Variants in MARCHF10 observed in about 807,000 individuals in gnomAD.
MARCHF10 encodes the protein membrane associated ring-CH-type finger 10.
A neutral mutation model predicts 76.2 loss-of-function variants in MARCHF10; 64 were observed. The ratio of observed to expected loss-of-function variants is 0.84; its 90% CI spans 0.69 to 1.03. MARCHF10 has a LOEUF of 1.03. Among genes scored for constraint, MARCHF10 ranks in the 50% least tolerant of loss-of-function variants. MARCHF10 has a pLI of 0.00. For synonymous variants in MARCHF10, 340 were observed against 357.5 expected (o/e 0.95, Z 0.55); for missense variants, 875 against 958.0 (o/e 0.91, Z 1.14).
intron 2 of MARCHF10, among the ~76,000 whole-genome samples, chr17:62,792,701 C>T (rs1204720358): frequency 1.3e-5 from 2 of 149,096 alleles, no homozygotes; most frequent in African/African-American, 4.9e-5. Context: ...CCATCACCTC[C>T]ATCACTACAA....
Position 62,767,450 on chromosome 17 carries a change from C to CT in MARCHF10, c.211-7445dup, listed in dbSNP as rs1555707309. Among the ~76,000 whole-genome samples the CT allele has an allele frequency of 1.7e-3, 223 of 134,796 alleles. 1 individual carries two copies. Among genetic ancestry groups the CT allele is most frequent in the Middle Eastern group, 4.0e-3 (1 of 248 alleles). The allele number at this position is 134,796 out of a possible 152,430, so 88.4% of individuals were successfully genotyped here. Reference sequence around the variant, plus strand: ...AGCTTTGAATTGGTGGGTCTGTATTCTTTTTTTTTTTTTTTTTTGAGATGG... The same window carrying CT: ...AGCTTTGAATTGGTGGGTCTGTATTCTTTTTTTTTTTTTTTTTTTGAGATGG... On this transcript the variant is annotated intron_variant, in intron 3 of 10. Transcript: ENST00000311269.
chr17:62,785,806 GCA>G (rs1345299034), intron 3 of MARCHF10, among the ~76,000 whole-genome samples: 1 of 152,164 alleles, frequency 6.6e-6, no homozygotes, highest in Non-Finnish European at 1.5e-5. Flanking sequence ...TCAGAGAAAT[GCA>G]AATCAAAACC....
At chr17:62,805,324 A>C (rs1480899485) in intron 1 of MARCHF10, among the ~76,000 whole-genome samples, 1 of 152,244 alleles carries the variant, frequency 6.6e-6, no homozygotes, top group Non-Finnish European at 1.5e-5. Context: ...AACAGGCAGA[A>C]GGATAAGCTC....
chr17:62,705,208 C>T, intron 10 of MARCHF10: 4 of 1,261,372 alleles, frequency 3.2e-6, no homozygotes, highest in Non-Finnish European at 4.0e-6. Context: ...AAAAACCAAC[C>T]CCCAAACTCT....
At chr17:62,795,867 G>A (rs1275210916) in intron 2 of MARCHF10, among the ~76,000 whole-genome samples, 2 of 152,118 alleles carry the variant, frequency 1.3e-5, no homozygotes, top group Non-Finnish European at 2.9e-5. Context: ...GATTTCCATA[G>A]GAAGTCACTG....
At chr17:62,721,207 C>T (rs1014804988) in intron 8 of MARCHF10, among the ~76,000 whole-genome samples, 1 of 152,110 alleles carries the variant, frequency 6.6e-6, no homozygotes, top group Non-Finnish European at 1.5e-5. Context: ...CTTCACTTCT[C>T]TTATGGATCT....
intron 9 of MARCHF10, 72 bp from the exon 10 acceptor site, chr17:62,705,653 A>C (rs1479069885): frequency 2.5e-5 from 39 of 1,576,534 alleles, no homozygotes; most frequent in Non-Finnish European, 3.0e-5. Flanking sequence ...ATAACCTCCT[A>C]GTCGCAGCAA....
intron 2 of MARCHF10, among the ~76,000 whole-genome samples, chr17:62,792,944 T>C: frequency 1.1e-5 from 1 of 89,580 alleles, no homozygotes; most frequent in Middle Eastern, 0.013. Context: ...CACCATCATC[T>C]CCCTCACCAC....
chr17:62,737,084 C>T lies in MARCHF10; in HGVS notation c.784G>A (p.Gly262Arg). ...CTAAATGATGCCTTTCTTGGCCCTC[C>T]TACAGTGGTGGGTGTGAGTGGTGGC... ...SGPPLTPTTV[G>R]GPRKASFRFR... The change falls in exon 6 of 11, where the codon GGA becomes AGA. Residue 262 changes from glycine to arginine, a missense_variant. Physicochemically the swap from Gly to Arg is moderately radical, Grantham distance 125. Coordinates refer to ENST00000311269, the MANE Select transcript of MARCHF10 (RefSeq NM_152598.4). The T allele has an allele frequency of 1.2e-6, 2 of 1,614,106 alleles. No individual in the cohort carries two copies. Among genetic ancestry groups the T allele is most frequent in the African/African-American group, 2.7e-5 (2 of 75,022 alleles).
chr17:62,778,962 C>T (rs937268900), intron 3 of MARCHF10, among the ~76,000 whole-genome samples: 69 of 152,164 alleles, frequency 4.5e-4, no homozygotes, highest in African/African-American at 1.3e-3. Context: ...GGACCTGCCA[C>T]GGTGAACAGA....
chr17:62,715,209 G>C (rs1179053398), intron 8 of MARCHF10, among the ~76,000 whole-genome samples: 1 of 152,226 alleles, frequency 6.6e-6, no homozygotes, highest in African/African-American at 2.4e-5. Context: ...GCACGTGGTA[G>C]CTGCTAAGCT....
At chr17:62,756,274 AC>A (rs2092040048) in intron 4 of MARCHF10, among the ~76,000 whole-genome samples, 1 of 151,680 alleles carries the variant, frequency 6.6e-6, no homozygotes, top group African/African-American at 2.4e-5. Context: ...ACAAAACAAA[AC>A]AAAAACAAAA....
intron 9 of MARCHF10, among the ~76,000 whole-genome samples, chr17:62,709,632 CTT>C (rs1342738140): frequency 6.6e-6 from 1 of 152,208 alleles, no homozygotes; most frequent in Non-Finnish European, 1.5e-5. Context: ...TAGTGCCTCT[CTT>C]TTGCTCAATG....
At chr17:62,704,232 G>T (rs1313325517) in intron 10 of MARCHF10, among the ~76,000 whole-genome samples, 2 of 151,714 alleles carry the variant, frequency 1.3e-5, no homozygotes, top group African/African-American at 4.8e-5. Flanking sequence ...GGGCCGAGGC[G>T]CAGGGCGTTT....
intron 2 of MARCHF10, among the ~76,000 whole-genome samples, chr17:62,791,475 G>A (rs548226122): frequency 6.6e-6 from 1 of 152,262 alleles, no homozygotes; most frequent in African/African-American, 2.4e-5. Flanking sequence ...GAATGCATAC[G>A]ACTTAAATAT....
intron 4 of MARCHF10, among the ~76,000 whole-genome samples, chr17:62,757,373 T>C (rs1220837771): frequency 6.6e-6 from 1 of 152,200 alleles, no homozygotes; most frequent in Non-Finnish European, 1.5e-5. Flanking sequence ...CTTTAACTAG[T>C]GAATTGGATC....
chr17:62,788,587 G>C lies in MARCHF10; in HGVS notation c.103C>G (p.Arg35Gly), dbSNP rs200814272. 7 of 1,613,836 alleles carry C rather than the reference G, an allele frequency of 4.3e-6. No homozygotes were observed. The Admixed American group carries it at 1.2e-4, about 27-fold the overall frequency. The change falls in exon 3 of 11, where the codon CGA (arginine) becomes GGA (glycine). Residue 35 changes from arginine (R) to glycine (G), a missense_variant. Transcript: ENST00000311269. ...TTTGGGTCTCTTCTATATTCCTGTC[G>C]TCTCAGACAAGCCTGAAGAACAACA... ...VDSEYQACLR[R>G]QEYRRDPNEK...
At chr17:62,705,781 CAT>C (rs1363309447) in intron 9 of MARCHF10, among the ~76,000 whole-genome samples, 200 bp from the exon 10 acceptor site, 1 of 152,164 alleles carries the variant, frequency 6.6e-6, no homozygotes, top group African/African-American at 2.4e-5. Context: ...GAGCTGCAGC[CAT>C]AACCTGGGTC....
At chr17:62,749,353 G>A (rs1241745679) in intron 4 of MARCHF10, among the ~76,000 whole-genome samples, 1 of 152,158 alleles carries the variant, frequency 6.6e-6, no homozygotes, top group Non-Finnish European at 1.5e-5. Flanking sequence ...AAGCATAAAA[G>A]GGAAATACAG....
Sources: gnomAD v4.1 joint callset for allele counts (sites outside exome capture counted in the v4.1 genomes callset) on GRCh38, gnomAD v4.1.1 for gene constraint, MANE v1.5 for transcripts, NCBI Gene and HGNC (gene_info 2026-07-23, HGNC 2026-07-21) for gene names.